The following PICK1 variants were observed in gnomAD, a reference collection of about 807,000 sequenced individuals.
PICK1 encodes the protein protein interacting with PRKCA 1, also known as PRKCA-binding protein.
In PICK1, 23 loss-of-function variants were observed where a neutral mutation model predicts 48.9. That is an observed-to-expected ratio of 0.47 (90% CI 0.34 to 0.67). PICK1 has a LOEUF of 0.67. PICK1 is among the 30% of genes least tolerant of loss of function. The pLI is 0.01. For synonymous variants in PICK1, 217 were observed against 228.2 expected (o/e 0.95, Z 0.44); for missense variants, 423 against 557.1 (o/e 0.76, Z 2.42).
Position 38,074,150 on chromosome 22 carries a change from G to C in PICK1, c.835-157G>C. On this transcript the variant is annotated intron_variant, in intron 11 of 12. Coordinates refer to ENST00000356976, the MANE Select transcript of PICK1 (RefSeq NM_012407.4). The surrounding 1 kb of genome is among the most constrained non-coding windows in gnomAD (Gnocchi z 4.5). ...TGAATGTGGCAGAGGTTTGGGTTTG[G>C]TTTTTTCCTCTCTTCAAAGCTATCA... The C allele has an allele frequency of 1.1e-6, 1 of 894,966 alleles. No homozygotes were observed. The highest frequency in any genetic ancestry group is 1.7e-6 in the Non-Finnish European group (1 of 589,498). 55.4% of individuals were successfully genotyped at this position (894,966 alleles called of 1,614,324 possible).
chr22:38,074,333 G>A lies in PICK1; in HGVS notation c.861G>A (p.Val287=), dbSNP rs773891005. The change falls in exon 12 of 13, where the codon GTG becomes GTA. Residue 287 remains valine (V), a synonymous_variant. Coordinates refer to ENST00000356976, the MANE Select transcript of PICK1 (RefSeq NM_012407.4). This position sits in a 1 kb window ranked among gnomAD's most constrained non-coding sequence, Gnocchi z 4.5. ...CIALGEPLYR[V]STGNYEYRLI... ...CCCTAGGCGAGCCCCTTTACCGGGT[G>A]AGCACCGGCAACTATGAGTACCGCC... 1 of 1,612,848 alleles carries A rather than the reference G, an allele frequency of 6.2e-7. No individual in the cohort carries two copies. Among genetic ancestry groups the A allele is most frequent in the South Asian group, 1.1e-5 (1 of 91,064 alleles).
intron 7 of PICK1, 80 bp from the exon 8 acceptor site, chr22:38,071,602 G>A (rs1032224176): frequency 8.0e-7 from 1 of 1,245,354 alleles, no homozygotes; most frequent in Non-Finnish European, 1.2e-6. Flanking sequence ...TGGGTGGCAT[G>A]GGCAATTGGA....
intron 6 of PICK1, among the ~76,000 whole-genome samples, chr22:38,069,658 T>C (rs2145875889): frequency 6.6e-6 from 1 of 152,296 alleles, no homozygotes; most frequent in Non-Finnish European, 1.5e-5. Context: ...AGCTCTGCAG[T>C]GTGCCTGTGG....
Position 38,074,816 on chromosome 22 carries a change from C to CT in PICK1, c.980-48_980-47insT. The stretch of plus-strand genomic sequence containing the variant: ...GGCTGGGAGAGTCTCCTCCCTGAGG[C>CT]AGGCAGCCAGAGCCCACTGCAGCCT... On this transcript the variant is annotated intron_variant, in intron 12 of 12. Transcript: ENST00000356976. This position sits in a 1 kb window ranked among gnomAD's most constrained non-coding sequence, Gnocchi z 4.5. 6.2e-7 allele frequency: 1 copy of CT among 1,600,928 alleles called. No homozygotes were observed. The highest frequency in any genetic ancestry group is 1.7e-5 in the Admixed American group (1 of 59,954).
In PICK1 at chr22:38,067,681, G is replaced by A. The variant is rs5756903; in HGVS notation, c.283-23G>A. 13 of 1,609,842 alleles carry A rather than the reference G, an allele frequency of 8.1e-6. No homozygotes were observed. In the African/African-American group the frequency reaches 1.5e-4, roughly 18 times the overall value. On this transcript the variant is annotated intron_variant, in intron 4 of 12. Coordinates refer to ENST00000356976, the MANE Select transcript of PICK1 (RefSeq NM_012407.4). ...TCAGGGTGTGGAGCCTCGCTCACTA[G>A]TCTGTGTGTGCTGCTCTTCCAGGGG...
At chr22:38,059,527 G>GT (rs1386180271) in intron 3 of PICK1, among the ~76,000 whole-genome samples, 182 bp downstream of exon 3, 1 of 152,120 alleles carries the variant, frequency 6.6e-6, no homozygotes, top group African/African-American at 2.4e-5. Context: ...GTGTCGCTCT[G>GT]TTTTTTTCCT....
In PICK1 at chr22:38,066,457, C is replaced by A. The variant is rs1185736200; in HGVS notation, c.283-1247C>A. ...AAGAGCTCTTTGTATTTGCACACAG[C>A]CATGACAGGGATGCAGCATTGGCCC... On this transcript the variant is annotated intron_variant, in intron 4 of 12. Transcript: ENST00000356976. This position sits in a 1 kb window ranked among gnomAD's most constrained non-coding sequence, Gnocchi z 4.1. Among the ~76,000 whole-genome samples the A allele has an allele frequency of 6.6e-6, 1 of 152,224 alleles. No homozygotes were observed. Among genetic ancestry groups the A allele is most frequent in the Non-Finnish European group, 1.5e-5 (1 of 68,042 alleles).
chr22:38,067,657 C>T (rs1376097360), intron 4 of PICK1, 47 bp from the exon 5 acceptor site: 23 of 1,547,616 alleles, frequency 1.5e-5, no homozygotes, highest in Non-Finnish European at 1.8e-5. Flanking sequence ...GGAAGGGGCT[C>T]AGGGTGTGGA....
chr22:38,058,513 G>A (rs879289736), intron 2 of PICK1, among the ~76,000 whole-genome samples: 1 of 152,110 alleles, frequency 6.6e-6, no homozygotes, highest in Non-Finnish European at 1.5e-5. Context: ...TGCCTGATAA[G>A]GTGACAAGGA....
rs1277258113 is a variant in PICK1 at position 38,065,015 on chromosome 22, C to G, written c.167C>G (p.Thr56Ser). 2 of 1,614,124 alleles carry G rather than the reference C, an allele frequency of 1.2e-6. No homozygotes were observed. Among genetic ancestry groups the G allele is most frequent in the Admixed American group, 3.3e-5 (2 of 60,022 alleles). Reference sequence around the variant, plus strand: ...ATGCACCCACAGGTATTTGACAACACCCCAGCAGCCTTGGACGGCACAGTG... The same window carrying G: ...ATGCACCCACAGGTATTTGACAACAGCCCAGCAGCCTTGGACGGCACAGTG... Reference protein sequence around the residue: ...CLYIVQVFDNTPAALDGTVAA... With the variant: ...CLYIVQVFDNSPAALDGTVAA... The change falls in exon 4 of 13, where the codon ACC (threonine) becomes AGC (serine). Residue 56 changes from threonine (T) to serine (S), a missense_variant. Thr to Ser is a moderately conservative substitution (Grantham distance 58). This residue lies in a region of PICK1 where 279 missense variants were observed against 417.8 expected (regional missense o/e 0.67). Transcript: ENST00000356976.
intron 3 of PICK1, among the ~76,000 whole-genome samples, chr22:38,059,600 G>A (rs1270664501): frequency 6.6e-6 from 1 of 152,154 alleles, no homozygotes; most frequent in Non-Finnish European, 1.5e-5. Flanking sequence ...TGCACTGAGG[G>A]CAGTGTCCTG....
chr22:38,059,432 A>G (rs1175617216), intron 3 of PICK1, 87 bp downstream of exon 3: 6 of 904,212 alleles, frequency 6.6e-6, no homozygotes, highest in Non-Finnish European at 1.1e-5. Flanking sequence ...TGCATAGCTG[A>G]CTCCTTCTCA....
chr22:38,063,900 T>C (rs2085464956), intron 3 of PICK1, among the ~76,000 whole-genome samples: 1 of 151,768 alleles, frequency 6.6e-6, no homozygotes, highest in African/African-American at 2.4e-5. Flanking sequence ...TTTTATGAAG[T>C]TCAATTTGTT....
Position 38,074,612 on chromosome 22 carries a change from C to T in PICK1, c.979+161C>T, listed in dbSNP as rs562748093. Among the ~76,000 whole-genome samples, 6 of 152,356 alleles carry T rather than the reference C, an allele frequency of 3.9e-5. No homozygotes were observed. The highest frequency in any genetic ancestry group is 2.0e-4 in the Admixed American group (3 of 15,308). On this transcript the variant is annotated intron_variant, in intron 12 of 12. Coordinates refer to ENST00000356976, the MANE Select transcript of PICK1 (RefSeq NM_012407.4). The surrounding 1 kb of genome is among the most constrained non-coding windows in gnomAD (Gnocchi z 4.5). ...GGCCTGGGTGGAGCTGGCCTGTGCG[C>T]GTGGGCTCCGTGGGCTGCCATCCAT...
In PICK1 at chr22:38,075,136, C is replaced by T. The variant is rs780762937; in HGVS notation, c.*4C>T. On this transcript the variant is annotated 3_prime_UTR_variant, in exon 13 of 13. Transcript: ENST00000356976. ...TGGAAGCTGGTGTGACTCCTGAGTG[C>T]CCCGCGGCTGTGGTGCCGGGGGCAG... 5.6e-6 allele frequency: 9 copies of T among 1,606,952 alleles called. No homozygotes were observed. The highest frequency in any genetic ancestry group is 1.3e-5 in the African/African-American group (1 of 74,942).
intron 8 of PICK1, 151 bp from the exon 9 acceptor site, chr22:38,072,326 G>C: frequency 1.1e-6 from 1 of 878,742 alleles, no homozygotes; most frequent in Non-Finnish European, 1.7e-6. Context: ...CTCCTTCAGG[G>C]GGTTTAGACC....
rs1342329366 is a variant in PICK1, at chr22:38,073,194, G to C, written c.783+102G>C. On this transcript the variant is annotated intron_variant, in intron 10 of 12. Coordinates refer to ENST00000356976, the MANE Select transcript of PICK1 (RefSeq NM_012407.4). This position sits in a 1 kb window ranked among gnomAD's most constrained non-coding sequence, Gnocchi z 5.7. ...GCGGCCAGCGAGGCCAGCCAGAGCTGACAGCATGTCTGCTCCAGGTGTGGG... is the reference window on the plus strand; with the variant it reads ...GCGGCCAGCGAGGCCAGCCAGAGCTCACAGCATGTCTGCTCCAGGTGTGGG... 2 of 818,368 alleles carry C rather than the reference G, an allele frequency of 2.4e-6. No individual in the cohort carries two copies. Among genetic ancestry groups the C allele is most frequent in the Admixed American group, 3.7e-5 (2 of 54,630 alleles). The allele number at this position is 818,368 out of a possible 1,614,324, so 50.7% of individuals were successfully genotyped here. A position where few individuals can be genotyped will look rare whatever the true frequency, so the allele number is the denominator to read the frequency against.
At chr22:38,068,963 A>C in intron 5 of PICK1, 70 bp from the exon 6 acceptor site, 2 of 1,273,206 alleles carry the variant, frequency 1.6e-6, no homozygotes, top group Non-Finnish European at 2.3e-6. Flanking sequence ...CTGTGCATGG[A>C]GGTAAGGCTG....
At chr22:38,061,686 T>C (rs865914957) in intron 3 of PICK1, among the ~76,000 whole-genome samples, 5 of 152,108 alleles carry the variant, frequency 3.3e-5, no homozygotes, top group South Asian at 2.1e-4. Flanking sequence ...ACCTGGCTAA[T>C]TTTTGTGTAT....
Sources: gnomAD v4.1 joint callset for allele counts (sites outside exome capture counted in the v4.1 genomes callset) on GRCh38, gnomAD v4.1.1 for gene constraint, gnomAD v4.1.1 regional missense constraint, Gnocchi (gnomAD v3.1) non-coding constraint, MANE v1.5 for transcripts, NCBI Gene and HGNC (gene_info 2026-07-23, HGNC 2026-07-21) for gene names.